Variants in PLEKHG5 observed in about 807,000 individuals in gnomAD.
PLEKHG5 encodes the protein pleckstrin homology and RhoGEF domain containing G5, also known as pleckstrin homology domain-containing family G member 5.
PLEKHG5 carries 52 observed loss-of-function variants against 103.8 expected under a neutral mutation model. The observed-to-expected ratio is 0.50, with a 90% confidence interval of 0.40 to 0.63. PLEKHG5 has a LOEUF of 0.63. PLEKHG5 is among the 30% of genes least tolerant of loss of function. PLEKHG5 has a pLI of 0.00. For synonymous variants in PLEKHG5, 592 were observed against 575.5 expected (o/e 1.03, Z -0.41); for missense variants, 1,205 against 1,347.6 (o/e 0.89, Z 1.66).
chr1:6,503,767 G>T (rs978508947), intron 1 of PLEKHG5, among the ~76,000 whole-genome samples: 1 of 152,154 alleles, frequency 6.6e-6, no homozygotes, highest in African/African-American at 2.4e-5. Context: ...CCCTCTCTAC[G>T]TTAGCTCTGT....
chr1:6,513,284 C>G (rs1638527634), intron 1 of PLEKHG5, among the ~76,000 whole-genome samples: 1 of 152,252 alleles, frequency 6.6e-6, no homozygotes, highest in East Asian at 1.9e-4. Context: ...CCAAATACCC[C>G]AAGGCTTGGT....
intron 1 of PLEKHG5, among the ~76,000 whole-genome samples, chr1:6,481,690 C>T (rs550973017): frequency 1.3e-5 from 2 of 151,488 alleles, no homozygotes; most frequent in African/African-American, 4.9e-5. Flanking sequence ...TGGTGAAACC[C>T]CGTCTCTACT....
At chr1:6,517,651 G>A (rs1426734322) in intron 1 of PLEKHG5, among the ~76,000 whole-genome samples, 2 of 152,186 alleles carry the variant, frequency 1.3e-5, no homozygotes, top group South Asian at 4.1e-4. Flanking sequence ...TGCTGGGGAG[G>A]GGATGGCCCT....
chr1:6,479,537 C>T (rs1158114716), intron 1 of PLEKHG5, among the ~76,000 whole-genome samples: 1 of 152,016 alleles, frequency 6.6e-6, no homozygotes, highest in Admixed American at 6.5e-5. Context: ...CCGCCCACCT[C>T]GGCCTCCCAA....
Position 6,469,176 on chromosome 1 carries a change from T to G in PLEKHG5, c.2115A>C (p.Glu705Asp). Residue 705 changes from glutamate to aspartate, a missense_variant, in exon 19 of 21, where the codon GAA becomes GAC. Physicochemically the swap from Glu to Asp is conservative, Grantham distance 45 (BLOSUM62 2). Transcript: ENST00000377728. ...PGSQQPLQSL[E>D]EEEDEQEEEE... ...CCTCCTCCTGCTCATCCTCCTCCTC[T>G]TCCAGGCTCTGCAGGGGCTGCTGAC... 6.2e-7 allele frequency: 1 copy of G among 1,612,418 alleles called. No individual in the cohort carries two copies. Among genetic ancestry groups the G allele is most frequent in the South Asian group, 1.1e-5 (1 of 91,082 alleles).
chr1:6,505,813 A>T lies in PLEKHG5; in HGVS notation c.-164-9244T>A, dbSNP rs1367117452. On this transcript the variant is annotated intron_variant, in intron 1 of 21. Transcript: ENST00000377740. This position sits in a 1 kb window ranked among gnomAD's most constrained non-coding sequence, Gnocchi z 4.2. ...GCCCTGGAGGAAGGACAGCCTCCTC[A>T]GCTGCTTGCCTGCCCTCTGGCCCCC... is the stretch of plus-strand genomic sequence containing the variant. 6.6e-6 allele frequency among the ~76,000 whole-genome samples: 1 copy of T among 152,204 alleles called. No homozygotes were observed. Among genetic ancestry groups the T allele is most frequent in the African/African-American group, 2.4e-5 (1 of 41,456 alleles).
chr1:6,467,537 T>G lies in PLEKHG5; in HGVS notation c.*26A>C. 1.2e-6 allele frequency: 2 copies of G among 1,612,328 alleles called. No individual in the cohort carries two copies. Among genetic ancestry groups the G allele is most frequent in the Non-Finnish European group, 1.7e-6 (2 of 1,178,768 alleles). On this transcript the variant is annotated 3_prime_UTR_variant, in exon 21 of 21. Coordinates refer to ENST00000377728, the MANE Select transcript of PLEKHG5 (RefSeq NM_020631.6). ...AGGCTGTCTGCTGTCTCTTGGTCAATGGCACTCTTGGGGGCCTCCCTCTGC... is the reference window on the plus strand; with the variant it reads ...AGGCTGTCTGCTGTCTCTTGGTCAAGGGCACTCTTGGGGGCCTCCCTCTGC...
intron 8 of PLEKHG5, 37 bp downstream of exon 8, chr1:6,473,214 G>C: frequency 6.2e-7 from 1 of 1,612,260 alleles, no homozygotes; most frequent in Non-Finnish European, 8.5e-7. Flanking sequence ...GTCATGGCCA[G>C]CCAGCTGCCT....
At chr1:6,482,403 G>A (rs560804337) in intron 1 of PLEKHG5, among the ~76,000 whole-genome samples, 3 of 152,306 alleles carry the variant, frequency 2.0e-5, no homozygotes, top group Non-Finnish European at 4.4e-5. Flanking sequence ...GTGAAAGCCC[G>A]ATGAGAGATT....
At chr1:6,511,359 G>A (rs1054303585) in intron 1 of PLEKHG5, among the ~76,000 whole-genome samples, 8 of 152,192 alleles carry the variant, frequency 5.3e-5, no homozygotes, top group African/African-American at 1.2e-4. Flanking sequence ...CAACAAGGAC[G>A]GTCACTGACT....
intron 1 of PLEKHG5, among the ~76,000 whole-genome samples, chr1:6,504,474 A>G (rs2148632650): frequency 6.6e-6 from 1 of 152,064 alleles, no homozygotes; most frequent in African/African-American, 2.4e-5. Flanking sequence ...CCTCCTCCAC[A>G]GTGGGGGGCT....
intron 1 of PLEKHG5, among the ~76,000 whole-genome samples, chr1:6,484,006 C>G (rs180958628): frequency 6.6e-6 from 1 of 152,228 alleles, no homozygotes; most frequent in Admixed American, 6.5e-5. Flanking sequence ...GACCCAAGCC[C>G]TGGTCTCACC....
intron 16 of PLEKHG5, 53 bp from the exon 17 acceptor site, chr1:6,469,729 G>A (rs541043965): frequency 6.3e-7 from 1 of 1,587,870 alleles, no homozygotes; most frequent in South Asian, 1.1e-5. Context: ...TCAGGGCCAG[G>A]GACTGTGGCA....
At chr1:6,469,494 C>G (rs1401593938) in intron 17 of PLEKHG5, 44 bp from the exon 18 acceptor site, 1 of 1,613,204 alleles carries the variant, frequency 6.2e-7, no homozygotes, top group African/African-American at 1.3e-5. Context: ...AGACGATGGC[C>G]CCCACCCATC....
chr1:6,475,190 T>C (rs745689633), intron 4 of PLEKHG5, 52 bp from the exon 5 acceptor site: 2 of 971,670 alleles, frequency 2.1e-6, no homozygotes, highest in Non-Finnish European at 3.3e-6. Flanking sequence ...CCGCCCTCAT[T>C]CCCGCCCTCC....
chr1:6,480,171 A>G (rs1236637896), intron 1 of PLEKHG5, among the ~76,000 whole-genome samples: 7 of 151,988 alleles, frequency 4.6e-5, no homozygotes, highest in Non-Finnish European at 1.0e-4. Flanking sequence ...ATCTCACTCA[A>G]TCAGTTGAGG....
intron 4 of PLEKHG5, 35 bp from the exon 5 acceptor site, chr1:6,475,173 C>T: frequency 8.3e-7 from 1 of 1,202,960 alleles, no homozygotes; most frequent in Non-Finnish European, 1.2e-6. Flanking sequence ...CTGTGAGCTT[C>T]TCCTCACCGC....
rs1644623159 is a variant in PLEKHG5, at chr1:6,472,514, A to G, written c.1080+13T>C. ...GCAGGGTGGCCACGGGGACCAGCGC[A>G]GCCCCTACTCACGTTGATGATCACC... On this transcript the variant is annotated intron_variant, in intron 10 of 20. Coordinates refer to ENST00000377728, the MANE Select transcript of PLEKHG5 (RefSeq NM_020631.6). The G allele has an allele frequency of 1.9e-6, 3 of 1,579,656 alleles. No individual in the cohort carries two copies. Among genetic ancestry groups the G allele is most frequent in the Non-Finnish European group, 2.6e-6 (3 of 1,149,160 alleles).
intron 1 of PLEKHG5, among the ~76,000 whole-genome samples, chr1:6,480,444 T>C (rs530783227): frequency 8.9e-4 from 134 of 151,018 alleles, no homozygotes; most frequent in African/African-American, 2.9e-3. Context: ...GCAGGAGAAT[T>C]GCTTGAACCG....
Sources: allele counts gnomAD v4.1 joint callset (sites outside exome capture counted in the v4.1 genomes callset), GRCh38; gene constraint gnomAD v4.1.1; non-coding constraint Gnocchi (gnomAD v3.1); transcripts MANE v1.5; gene names NCBI Gene and HGNC (gene_info 2026-07-23, HGNC 2026-07-21).